The following PPP2R2C variants were observed in gnomAD, a reference collection of about 807,000 sequenced individuals.
The protein encoded by PPP2R2C is protein phosphatase 2 regulatory subunit Bgamma, also known as protein phosphatase 2, regulatory subunit B, gamma.
PPP2R2C carries 10 observed loss-of-function variants against 45.3 expected under a neutral mutation model. The ratio of observed to expected loss-of-function variants is 0.22; its 90% CI spans 0.14 to 0.37. PPP2R2C has a LOEUF of 0.37. Ranked by LOEUF, PPP2R2C falls within the 10% of genes least tolerant of loss-of-function variation. The pLI is 1.00. For missense variants in PPP2R2C, 308 were observed against 619.7 expected, an observed-to-expected ratio of 0.50 and a Z score of 5.34; for synonymous variants, 257 against 245.4, an observed-to-expected ratio of 1.05 and a Z score of -0.44.
intron 1 of PPP2R2C, among the ~76,000 whole-genome samples, chr4:6,454,921 T>C (rs1310924595): frequency 4.6e-5 from 7 of 152,218 alleles, no homozygotes. Context: ...ATCGCTATTA[T>C]TTTGCCATGA....
chr4:6,497,058 C>T (rs1165338595), intron 2 of PPP2R2C, among the ~76,000 whole-genome samples: 1 of 151,878 alleles, frequency 6.6e-6, no homozygotes, highest in Non-Finnish European at 1.5e-5. Context: ...TTCCATAGGC[C>T]TTTAAGGGGA....
intron 1 of PPP2R2C, among the ~76,000 whole-genome samples, chr4:6,445,750 A>G (rs991815257): frequency 6.6e-6 from 1 of 152,192 alleles, no homozygotes; most frequent in African/African-American, 2.4e-5. Flanking sequence ...GGAGTTTCAA[A>G]TGTATAACTT....
chr4:6,493,074 CT>C lies in PPP2R2C; in HGVS notation c.49+42196del, dbSNP rs1722757456. On this transcript the variant is annotated intron_variant, in intron 2 of 9. Transcript: ENST00000506140. The stretch of plus-strand genomic sequence containing the variant: ...GACTTTGCATCTGCTATTTCCTCCC[CT>C]GGGCCATTCTTCCCTCAGATACCTG... Among the ~76,000 whole-genome samples, 17 of 152,234 alleles carry C rather than the reference CT, an allele frequency of 1.1e-4. 1 individual carries two copies. The East Asian group carries it at 3.3e-3, about 29-fold the overall frequency.
chr4:6,515,217 A>C (rs1723792467), intron 2 of PPP2R2C, among the ~76,000 whole-genome samples: 1 of 152,228 alleles, frequency 6.6e-6, no homozygotes, highest in Non-Finnish European at 1.5e-5. Flanking sequence ...AATCTTAACC[A>C]GTCAACTGGA....
rs35678078 is a variant in PPP2R2C, at chr4:6,331,942, G to T, written c.960+1620C>A. Among the ~76,000 whole-genome samples, 64,427 of 152,042 alleles carry T rather than the reference G, an allele frequency of 0.42. 15,841 individuals carry two copies. Among genetic ancestry groups the T allele is most frequent in the Middle Eastern group, 0.57 (169 of 294 alleles). On this transcript the variant is annotated intron_variant, in intron 7 of 8. Transcript: ENST00000382599. The surrounding 1 kb of genome is among the most constrained non-coding windows in gnomAD (Gnocchi z 5.9). ...GCCACCAAAAAATGTTGGTTGTTGT[G>T]CTGCTTTTATGTAGTTATTGCTATT...
intron 2 of PPP2R2C, among the ~76,000 whole-genome samples, chr4:6,526,386 C>T (rs1182369120): frequency 6.6e-6 from 1 of 152,222 alleles, no homozygotes; most frequent in Non-Finnish European, 1.5e-5. Context: ...AAGCTCTCGG[C>T]GCTCAGTGTG....
At chr4:6,543,938 C>A (rs953464917) in intron 1 of PPP2R2C, among the ~76,000 whole-genome samples, 2 of 152,208 alleles carry the variant, frequency 1.3e-5, no homozygotes, top group African/African-American at 4.8e-5. Flanking sequence ...TTTCGGCCCC[C>A]GAGCTGAGCT....
At chr4:6,530,632 G>T (rs1329941250) in intron 2 of PPP2R2C, among the ~76,000 whole-genome samples, 1 of 152,166 alleles carries the variant, frequency 6.6e-6, no homozygotes, top group African/African-American at 2.4e-5. Flanking sequence ...CTGGGACCCT[G>T]GCCCCCCACA....
rs1370669801 is a variant in PPP2R2C at position 6,333,706 on chromosome 4, A to C, written c.816T>G (p.Ser272Arg). ...SKLFEEPEDP[S>R]NRSFFSEIIS... ...TGATTTCCGAGAAGAATGAGCGGTT[A>C]CTGGGGTCCTCAGGCTCTTCAAAGA... is the stretch of plus-strand genomic sequence containing the variant. Residue 272 changes from serine (S) to arginine (R), a missense_variant, in exon 7 of 9, where the codon AGT (serine) becomes AGG (arginine). Transcript: ENST00000382599. The C allele has an allele frequency of 6.2e-7, 1 of 1,614,026 alleles. No homozygotes were observed. Among genetic ancestry groups the C allele is most frequent in the Non-Finnish European group, 8.5e-7 (1 of 1,180,018 alleles).
intron 1 of PPP2R2C, among the ~76,000 whole-genome samples, chr4:6,467,769 G>T (rs1403957785): frequency 6.6e-6 from 1 of 152,184 alleles, no homozygotes; most frequent in Non-Finnish European, 1.5e-5. Flanking sequence ...GTAACTGGAA[G>T]TTCAGAGGCG....
At chr4:6,511,209 C>T (rs187992486) in intron 2 of PPP2R2C, among the ~76,000 whole-genome samples, 200 of 152,146 alleles carry the variant, frequency 1.3e-3, no homozygotes, top group African/African-American at 4.2e-3. Context: ...CCTGGCATGG[C>T]GTGAGTGCTC....
At chr4:6,381,379 A>C in intron 1 of PPP2R2C, 1 of 1,465,528 alleles carries the variant, frequency 6.8e-7, no homozygotes, top group Non-Finnish European at 9.1e-7. Flanking sequence ...GTAACTGGAC[A>C]CTCTATGGGA....
At chr4:6,362,928 G>C (rs961890196) in intron 5 of PPP2R2C, among the ~76,000 whole-genome samples, 4 of 152,046 alleles carry the variant, frequency 2.6e-5, no homozygotes, top group Admixed American at 2.0e-4. Flanking sequence ...AACTTACTGT[G>C]GCTTTGTTTC....
chr4:6,452,632 C>T (rs1720799511), intron 1 of PPP2R2C, among the ~76,000 whole-genome samples: 1 of 152,250 alleles, frequency 6.6e-6, no homozygotes, highest in Admixed American at 6.5e-5. Context: ...ATCACATGTC[C>T]TCCCACTGTC....
At chr4:6,483,749 G>A (rs1560579239) in intron 2 of PPP2R2C, among the ~76,000 whole-genome samples, 2 of 151,924 alleles carry the variant, frequency 1.3e-5, no homozygotes, top group Admixed American at 6.6e-5. Flanking sequence ...TCTCTTAAGT[G>A]TCTTTCAAAA....
intron 5 of PPP2R2C, chr4:6,351,142 T>A: frequency 1.6e-6 from 1 of 640,500 alleles, no homozygotes; most frequent in Non-Finnish European, 1.9e-6. Context: ...CCGTCTCTAC[T>A]AAAAATAAAA....
At chr4:6,505,466 C>T (rs1281285736) in intron 2 of PPP2R2C, among the ~76,000 whole-genome samples, 2 of 152,070 alleles carry the variant, frequency 1.3e-5, no homozygotes, top group Non-Finnish European at 2.9e-5. Context: ...TCAATATAAT[C>T]CATTCGATAG....
At position 6,328,233 on chromosome 4, in the gene PPP2R2C, G is replaced by A. The variant is rs1732113406; in HGVS notation, c.1052+1029C>T. Among the ~76,000 whole-genome samples the A allele has an allele frequency of 6.6e-6, 1 of 152,194 alleles. No homozygotes were observed. The highest frequency in any genetic ancestry group is 2.4e-5 in the African/African-American group (1 of 41,446). ...CACTGGACAGGACTGCGGGGAGGAG[G>A]TGACAGTACATGGGCTCCTGACAGG... On this transcript the variant is annotated intron_variant, in intron 8 of 8. Coordinates refer to ENST00000382599, the MANE Select transcript of PPP2R2C (RefSeq NM_020416.4). This position sits in a 1 kb window ranked among gnomAD's most constrained non-coding sequence, Gnocchi z 4.4.
At chr4:6,511,577 C>G (rs796598722) in intron 2 of PPP2R2C, among the ~76,000 whole-genome samples, 1 of 1,158 alleles carries the variant, frequency 8.6e-4, no homozygotes, top group African/African-American at 4.3e-3. Context: ...GTGGTGATGG[C>G]GGTGGTGGTG....
Sources: gnomAD v4.1 joint callset for allele counts (sites outside exome capture counted in the v4.1 genomes callset) on GRCh38, gnomAD v4.1.1 for gene constraint, Gnocchi (gnomAD v3.1) non-coding constraint, MANE v1.5 for transcripts, NCBI Gene and HGNC (gene_info 2026-07-23, HGNC 2026-07-21) for gene names.